Variants in GALNT17 observed in about 807,000 individuals in gnomAD.
GALNT17 encodes the protein polypeptide N-acetylgalactosaminyltransferase 17, also known as UDP-GalNAc:polypeptide N-acetylgalactosaminyltransferase-like 3.
In GALNT17, 29 loss-of-function variants were observed where a neutral mutation model predicts 63.7. The ratio of observed to expected loss-of-function variants is 0.46; its 90% confidence interval spans 0.34 to 0.62. GALNT17 has a LOEUF of 0.62. GALNT17 is among the 20% of genes least tolerant of loss of function. The pLI is 0.01. For missense variants in GALNT17, 603 were observed against 799.6 expected, an observed-to-expected ratio of 0.75 and a Z score of 2.97; for synonymous variants, 305 against 318.3, an observed-to-expected ratio of 0.96 and a Z score of 0.45.
rs114288324 is a variant in GALNT17 at position 71,173,484 on chromosome 7, G to A, written c.238+40444G>A. Reference sequence around the variant, plus strand: ...TTACTGTCTTTCTTATTAAAAGCAAGCCACTCAATGGTCGGGTGTGGTTCA... The same window carrying A: ...TTACTGTCTTTCTTATTAAAAGCAAACCACTCAATGGTCGGGTGTGGTTCA... On this transcript the variant is annotated intron_variant, in intron 1 of 10. Coordinates refer to ENST00000333538, the MANE Select transcript of GALNT17 (RefSeq NM_022479.3). Among the ~76,000 whole-genome samples, 419 of 152,280 alleles carry A rather than the reference G, an allele frequency of 2.8e-3. 1 individual carries two copies. Among genetic ancestry groups the A allele is most frequent in the African/African-American group, 9.5e-3 (393 of 41,558 alleles).
chr7:71,176,046 C>G (rs1040470584), intron 1 of GALNT17, among the ~76,000 whole-genome samples: 11 of 152,266 alleles, frequency 7.2e-5, no homozygotes, highest in Admixed American at 4.6e-4. Flanking sequence ...TCACTCCCAT[C>G]TGGCTGGTTA....
chr7:71,697,509 A>T (rs1791563009), intron 9 of GALNT17, among the ~76,000 whole-genome samples: 1 of 152,092 alleles, frequency 6.6e-6, no homozygotes, highest in Admixed American at 6.6e-5. Context: ...ACAGGGAGCT[A>T]ATTGTCTGTT....
At chr7:71,291,756 T>C (rs1038333075) in intron 1 of GALNT17, among the ~76,000 whole-genome samples, 1 of 152,220 alleles carries the variant, frequency 6.6e-6, no homozygotes, top group Non-Finnish European at 1.5e-5. Flanking sequence ...TTGAAGCATG[T>C]AATCATATAA....
intron 5 of GALNT17, among the ~76,000 whole-genome samples, chr7:71,506,615 T>C (rs1050746560): frequency 6.6e-6 from 1 of 152,188 alleles, no homozygotes; most frequent in Admixed American, 6.5e-5. Context: ...AATTAACAAA[T>C]AATAATTGTA....
intron 1 of GALNT17, among the ~76,000 whole-genome samples, chr7:71,199,537 TCCATC>T (rs2116361836): frequency 6.8e-6 from 1 of 146,490 alleles, no homozygotes; most frequent in African/African-American, 2.7e-5. Flanking sequence ...CATCCATCCA[TCCATC>T]CATCCATCCA....
intron 5 of GALNT17, among the ~76,000 whole-genome samples, chr7:71,569,278 A>G (rs1235003205): frequency 1.3e-5 from 2 of 151,936 alleles, no homozygotes; most frequent in Non-Finnish European, 1.5e-5. Context: ...CTCTAACATG[A>G]TTTTTTAAGA....
intron 7 of GALNT17, among the ~76,000 whole-genome samples, chr7:71,668,910 G>T (rs111972908): frequency 1.3e-5 from 2 of 152,142 alleles, no homozygotes; most frequent in Admixed American, 1.3e-4. Context: ...AATGAACTTC[G>T]CAAAGAGCCA....
At chr7:71,299,204 T>C (rs1174391801) in intron 1 of GALNT17, among the ~76,000 whole-genome samples, 1 of 152,178 alleles carries the variant, frequency 6.6e-6, no homozygotes, top group Non-Finnish European at 1.5e-5. Flanking sequence ...GTGGCCCGCC[T>C]TGACCCCCGG....
intron 5 of GALNT17, among the ~76,000 whole-genome samples, chr7:71,570,265 T>A (rs150118817): frequency 6.6e-6 from 1 of 152,266 alleles, no homozygotes; most frequent in African/African-American, 2.4e-5. Flanking sequence ...TCTCTCCTGC[T>A]GAGACCTCCT....
intron 6 of GALNT17, among the ~76,000 whole-genome samples, chr7:71,651,249 A>AGGGG (rs1790750606): frequency 8.4e-6 from 1 of 118,924 alleles, no homozygotes; most frequent in South Asian, 3.0e-4. Context: ...AAAGGAAGGG[A>AGGGG]GGTGGGGAGA....
intron 1 of GALNT17, among the ~76,000 whole-genome samples, chr7:71,277,129 T>C (rs1221655610): frequency 5.3e-5 from 8 of 152,174 alleles, no homozygotes; most frequent in African/African-American, 1.9e-4. Flanking sequence ...GAAAGTATGT[T>C]ATATACACCA....
intron 1 of GALNT17, among the ~76,000 whole-genome samples, chr7:71,189,598 G>T (rs1206588819): frequency 6.6e-6 from 1 of 152,038 alleles, no homozygotes; most frequent in Non-Finnish European, 1.5e-5. Flanking sequence ...GGTTGGTGCA[G>T]GGAACAATCA....
At chr7:71,669,379 T>A (rs1461428824) in intron 7 of GALNT17, among the ~76,000 whole-genome samples, 1 of 151,772 alleles carries the variant, frequency 6.6e-6, no homozygotes. Context: ...GGCATGGTGA[T>A]GCAAGCCTGG....
intron 2 of GALNT17, among the ~76,000 whole-genome samples, chr7:71,381,124 C>A (rs989119654): frequency 3.3e-5 from 5 of 151,994 alleles, no homozygotes; most frequent in Non-Finnish European, 7.4e-5. Context: ...CCACGCCCAG[C>A]TGATTTTTAT....
chr7:71,350,995 G>T (rs951069468), intron 2 of GALNT17, among the ~76,000 whole-genome samples: 2 of 152,110 alleles, frequency 1.3e-5, no homozygotes, highest in Admixed American at 6.6e-5. Context: ...ACAAAAATTA[G>T]CTGGGCATAG....
chr7:71,364,817 C>T (rs1233078475), intron 2 of GALNT17, among the ~76,000 whole-genome samples: 1 of 152,188 alleles, frequency 6.6e-6, no homozygotes, highest in East Asian at 1.9e-4. Context: ...ATGAGAGGAA[C>T]TCATTTGCTG....
chr7:71,615,773 C>T (rs1032270440), intron 6 of GALNT17, among the ~76,000 whole-genome samples: 96 of 152,200 alleles, frequency 6.3e-4, no homozygotes, highest in Admixed American at 6.5e-4. Context: ...CCACCGCGCC[C>T]GGCCTCAAAG....
chr7:71,571,226 A>G (rs1325634836), intron 5 of GALNT17, 59 bp from the exon 6 acceptor site: 28 of 1,463,670 alleles, frequency 1.9e-5, no homozygotes, highest in South Asian at 3.4e-5. Flanking sequence ...GACGGTGCCT[A>G]TGGAAGGGCT....
intron 5 of GALNT17, among the ~76,000 whole-genome samples, chr7:71,443,957 C>T (rs1347545057): frequency 1.3e-5 from 2 of 152,170 alleles, no homozygotes; most frequent in Admixed American, 6.5e-5. Context: ...GAACTTTTGA[C>T]CTCGGGTGAT....
Sources: gnomAD v4.1 joint callset for allele counts (sites outside exome capture counted in the v4.1 genomes callset) on GRCh38, gnomAD v4.1.1 for gene constraint, MANE v1.5 for transcripts, NCBI Gene and HGNC (gene_info 2026-07-23, HGNC 2026-07-21) for gene names.